Variants in KIFC3 observed in about 807,000 individuals in gnomAD.
The protein encoded by KIFC3 is kinesin-like protein KIFC3.
In KIFC3, 60 loss-of-function variants were observed where a neutral mutation model predicts 101.8. The observed-to-expected ratio is 0.59, with a 90% CI of 0.48 to 0.73. KIFC3 has a LOEUF of 0.73. Ranked by LOEUF, KIFC3 falls within the 30% of genes least tolerant of loss-of-function variation. The pLI is 0.00. For missense variants in KIFC3, 966 were observed against 1,137.1 expected, an observed-to-expected ratio of 0.85 and a Z score of 2.16; for synonymous variants, 476 against 482.7, an observed-to-expected ratio of 0.99 and a Z score of 0.18.
chr16:57,836,498 C>A (rs782232460), intron 1 of KIFC3, among the ~76,000 whole-genome samples: 1 of 152,076 alleles, frequency 6.6e-6, no homozygotes, highest in Non-Finnish European at 1.5e-5. Context: ...AGCCTCTGGG[C>A]AGAAGTTGAG....
intron 1 of KIFC3, among the ~76,000 whole-genome samples, chr16:57,845,318 G>A (rs414805): frequency 0.45 from 68,580 of 151,950 alleles, 17,701 homozygotes; most frequent in East Asian, 0.62. Context: ...GGACTCTTGC[G>A]ATAGTCCTTG....
intron 1 of KIFC3, among the ~76,000 whole-genome samples, chr16:57,848,936 A>G (rs2055992847): frequency 6.6e-6 from 1 of 152,228 alleles, no homozygotes. Flanking sequence ...GAACATTTCT[A>G]TGATGATTTA....
chr16:57,796,801 A>G (rs529815101), intron 2 of KIFC3, among the ~76,000 whole-genome samples: 17 of 152,360 alleles, frequency 1.1e-4, no homozygotes, highest in Admixed American at 3.3e-4. Context: ...ATGTTCAGTG[A>G]CTAACTTGTG....
Position 57,760,745 on chromosome 16 carries a change from TTGC to T in KIFC3, c.2210_2212del (p.Ser737del). 1 of 1,613,808 alleles carries T rather than the reference TTGC, an allele frequency of 6.2e-7. No individual in the cohort carries two copies. Among genetic ancestry groups the T allele is most frequent in the Non-Finnish European group, 8.5e-7 (1 of 1,179,990 alleles). On this transcript the variant is annotated inframe_deletion, in exon 16 of 20. Coordinates refer to ENST00000445690, the MANE Select transcript of KIFC3 (RefSeq NM_001130100.2). ...CCTCACCTGTACCACCATGAGGGTC[TTGC>T]TGTCACCACTAAGCGAATCCTGCAG... is the stretch of plus-strand genomic sequence containing the variant.
chr16:57,841,441 A>G (rs1464467056), intron 1 of KIFC3, among the ~76,000 whole-genome samples: 1 of 152,178 alleles, frequency 6.6e-6, no homozygotes, highest in African/African-American at 2.4e-5. Flanking sequence ...TGAGGTGGGT[A>G]GATCACTTGA....
chr16:57,769,768 C>A lies in KIFC3; in HGVS notation c.1087+40G>T. 1 of 1,612,186 alleles carries A rather than the reference C, an allele frequency of 6.2e-7. No homozygotes were observed. The highest frequency in any genetic ancestry group is 1.1e-5 in the South Asian group (1 of 91,026). On this transcript the variant is annotated intron_variant, in intron 8 of 19. Coordinates refer to ENST00000445690, the MANE Select transcript of KIFC3 (RefSeq NM_001130100.2). This position sits in a 1 kb window ranked among gnomAD's most constrained non-coding sequence, Gnocchi z 4.3. ...CTGTGAGGCGGGAGGGGATGAGGGG[C>A]CGCGGCGTGGGGCAGACAGGGCCCA...
intron 13 of KIFC3, 98 bp downstream of exon 13, chr16:57,762,042 C>T (rs1336780904): frequency 1.5e-5 from 21 of 1,433,868 alleles, no homozygotes; most frequent in Non-Finnish European, 2.0e-5. Context: ...CTGCTCCCCA[C>T]ATACTGGGGG....
chr16:57,763,199 G>A (rs533748918), intron 12 of KIFC3, among the ~76,000 whole-genome samples: 5 of 152,306 alleles, frequency 3.3e-5, no homozygotes, highest in Admixed American at 3.3e-4. Flanking sequence ...GCTGTGCCTG[G>A]CACGATGCCT....
chr16:57,802,717 G>A (rs1568066296), upstream of KIFC3: 1 of 792,384 alleles, frequency 1.3e-6, no homozygotes, highest in Non-Finnish European at 1.9e-6. This position sits in a 1 kb window ranked among gnomAD's most constrained non-coding sequence, Gnocchi z 5.0. Flanking sequence ...CCCGCGTCCC[G>A]CACTCGCACT....
intron 1 of KIFC3, chr16:57,815,392 A>G (rs781958466): frequency 3.8e-5 from 44 of 1,164,618 alleles, no homozygotes; most frequent in Non-Finnish European, 4.8e-5. Context: ...AGAGATCCAC[A>G]CCGCACCCCA....
chr16:57,762,847 G>A (rs1261038321), intron 12 of KIFC3, among the ~76,000 whole-genome samples: 1 of 152,186 alleles, frequency 6.6e-6, no homozygotes, highest in Non-Finnish European at 1.5e-5. Context: ...GGCCACAGGG[G>A]CCTCCTGGCT....
chr16:57,788,176 T>C (rs944736726), intron 3 of KIFC3, among the ~76,000 whole-genome samples: 1 of 152,126 alleles, frequency 6.6e-6, no homozygotes, highest in Admixed American at 6.5e-5. Flanking sequence ...CTCCAGACCC[T>C]GGGGGCCCAC....
chr16:57,789,140 C>G (rs565531917), intron 3 of KIFC3, among the ~76,000 whole-genome samples: 1 of 152,348 alleles, frequency 6.6e-6, no homozygotes, highest in Non-Finnish European at 1.5e-5. Context: ...TGCTGCCACC[C>G]CAGGCACACA....
intron 3 of KIFC3, among the ~76,000 whole-genome samples, chr16:57,781,568 T>C (rs2052741116): frequency 6.6e-6 from 1 of 152,200 alleles, no homozygotes; most frequent in South Asian, 2.1e-4. Context: ...CTATGGGCCA[T>C]TGGCCCAACT....
chr16:57,758,543 A>G lies in KIFC3; in HGVS notation c.*391T>C, dbSNP rs782798989. 2 of 590,122 alleles carry G rather than the reference A, an allele frequency of 3.4e-6. No individual in the cohort carries two copies. The highest frequency in any genetic ancestry group is 3.1e-5 in the South Asian group (2 of 64,738). 36.6% of individuals were successfully genotyped at this position (590,122 alleles called of 1,614,324 possible). On this transcript the variant is annotated 3_prime_UTR_variant, in exon 20 of 20. Coordinates refer to ENST00000445690, the MANE Select transcript of KIFC3 (RefSeq NM_001130100.2). ...CCCAGAGGCTCCTCGCCCACCCCCT[A>G]AGGAGGGGGCTGGCCAGCTCTGCAA... is the stretch of plus-strand genomic sequence containing the variant.
chr16:57,816,354 C>CAGGA, intron 1 of KIFC3: 2 of 935,222 alleles, frequency 2.1e-6, no homozygotes, highest in East Asian at 6.1e-5. Flanking sequence ...GGGCCTGCCC[C>CAGGA]TCCTGGCTTC....
At chr16:57,761,260 C>T (rs2049818887) in intron 14 of KIFC3, 89 bp from the exon 15 acceptor site, 1 of 1,581,812 alleles carries the variant, frequency 6.3e-7, no homozygotes, top group Admixed American at 1.7e-5. Flanking sequence ...GGAGTGGCAC[C>T]ACCCTCCGCA....
At chr16:57,783,618 G>A (rs1297232963) in intron 3 of KIFC3, among the ~76,000 whole-genome samples, 7 of 151,634 alleles carry the variant, frequency 4.6e-5, no homozygotes, top group African/African-American at 1.7e-4. Context: ...GATTACAGGC[G>A]CCCGCCACCA....
chr16:57,771,611 A>G lies in KIFC3; in HGVS notation c.457T>C (p.Cys153Arg), dbSNP rs782480295. The change falls in exon 5 of 20, where the codon TGT becomes CGT. Residue 153 changes from cysteine (C) to arginine (R), a missense_variant. Coordinates refer to ENST00000445690, the MANE Select transcript of KIFC3 (RefSeq NM_001130100.2). ...NERLRQEMRR[C>R]EAELQELRTK... ...CGCAGCTCTTGCAGCTCGGCCTCAC[A>G]GCGCCGCATCTCCTGCCTCAGTCGC... 2 of 1,613,402 alleles carry G rather than the reference A, an allele frequency of 1.2e-6. No homozygotes were observed. The highest frequency in any genetic ancestry group is 1.1e-5 in the South Asian group (1 of 91,080).
Sources: allele counts gnomAD v4.1 joint callset (sites outside exome capture counted in the v4.1 genomes callset), GRCh38; gene constraint gnomAD v4.1.1; non-coding constraint Gnocchi (gnomAD v3.1); transcripts MANE v1.5; gene names NCBI Gene and HGNC (gene_info 2026-07-23, HGNC 2026-07-21).